The following ZFP82 variants were observed in gnomAD, a reference collection of about 807,000 sequenced individuals.
ZFP82 encodes the protein ZFP82 zinc finger protein.
ZFP82 carries 30 observed loss-of-function variants against 54.0 expected under a neutral mutation model. The ratio of observed to expected loss-of-function variants is 0.56; its 90% confidence interval spans 0.42 to 0.75. The LOEUF is 0.75. Among genes scored for constraint, ZFP82 ranks in the 30% least tolerant of loss-of-function variants. The probability of loss-of-function intolerance (pLI) is 0.00; values close to 1 mark genes in which losing one functional copy is unlikely to be tolerated. For missense variants in ZFP82, 500 were observed against 636.8 expected (o/e 0.79, Z 2.31); for synonymous variants, 194 against 209.5 (o/e 0.93, Z 0.64).
At chr19:36,383,989 T>C (rs970713906), downstream of ZFP82, 1 of 152,154 alleles carries the variant, frequency 6.6e-6, no homozygotes, top group Non-Finnish European at 1.5e-5. Context: ...GAAGTAAGGA[T>C]ATAAGGAAAT....
chr19:36,385,025 TGTGTCCCCCAAA>T (rs2032100424), downstream of ZFP82, among the ~76,000 whole-genome samples: 1 of 152,204 alleles, frequency 6.6e-6, no homozygotes. Flanking sequence ...GTGGTTTGAA[TGTGTCCCCCAAA>T]GTTCATTTCC....
At chr19:36,403,921 T>A (rs1005460558) in intron 4 of ZFP82, among the ~76,000 whole-genome samples, 1 of 152,180 alleles carries the variant, frequency 6.6e-6, no homozygotes, top group Non-Finnish European at 1.5e-5. Flanking sequence ...TAATAATTTA[T>A]GAGAAAAGTT....
intron 4 of ZFP82, among the ~76,000 whole-genome samples, chr19:36,403,182 G>C (rs1250471362): frequency 6.6e-6 from 1 of 151,562 alleles, no homozygotes; most frequent in Non-Finnish European, 1.5e-5. Context: ...AATTATCCAG[G>C]CATGGTGGCA....
At chr19:36,384,820 A>T (rs191113332), downstream of ZFP82, among the ~76,000 whole-genome samples, 1 of 152,344 alleles carries the variant, frequency 6.6e-6, no homozygotes, top group Admixed American at 6.5e-5. Flanking sequence ...TTTACAAATT[A>T]AAAACCATGT....
chr19:36,409,695 G>T, intron 2 of ZFP82, 86 bp downstream of exon 2: 1 of 1,436,122 alleles, frequency 7.0e-7, no homozygotes. Context: ...CTTGGATGGA[G>T]CTCTGATAGT....
rs867142952 is a variant in ZFP82, at chr19:36,388,976, G to A, written c.*3765C>T. Among the ~76,000 whole-genome samples the A allele has an allele frequency of 6.6e-6, 1 of 151,574 alleles. No homozygotes were observed. The highest frequency in any genetic ancestry group is 1.5e-5 in the Non-Finnish European group (1 of 67,964). ...AGCTTTGGTTGGTGATTTCCCCCAA[G>A]TTATCTGTAGGCAACATGTGATCAT... On this transcript the variant is annotated 3_prime_UTR_variant, in exon 5 of 5. Coordinates refer to ENST00000392161, the MANE Select transcript of ZFP82 (RefSeq NM_133466.4).
chr19:36,417,889 C>G lies in ZFP82; in HGVS notation c.-79+603G>C, dbSNP rs529658290. On this transcript the variant is annotated intron_variant, in intron 1 of 4. Transcript: ENST00000392161. Reference sequence around the variant, plus strand: ...TTCCAGGAGCAAGCCTGGGCGGGAGCGGGGGCTCGTTCAGTTCTAATATTC... The same window carrying G: ...TTCCAGGAGCAAGCCTGGGCGGGAGGGGGGGCTCGTTCAGTTCTAATATTC... 2.3e-3 allele frequency among the ~76,000 whole-genome samples: 347 copies of G among 152,170 alleles called. 3 individuals are homozygous for G. The highest frequency in any genetic ancestry group is 3.0e-3 in the Non-Finnish European group (206 of 68,002).
Position 36,407,992 on chromosome 19 carries a change from C to A in ZFP82, c.31G>T (p.Val11Leu). 6.2e-7 allele frequency: 1 copy of A among 1,613,320 alleles called. No individual in the cohort carries two copies. The highest frequency in any genetic ancestry group is 1.3e-5 in the African/African-American group (1 of 75,018). Reference protein sequence around the residue: MALRSVMFSDVSIDFSPEEWE... With the variant: MALRSVMFSDLSIDFSPEEWE... ...TCTTCTGGAGAGAAGTCTATGGATA[C>A]ATCACTGAACATCACTGATCGCTGA... The change falls in exon 3 of 5, where the codon GTA (valine) becomes TTA (leucine). Residue 11 changes from valine to leucine, a missense_variant. Val to Leu is a conservative substitution (Grantham distance 32). Transcript: ENST00000392161.
At chr19:36,411,658 A>T (rs1388432226) in intron 1 of ZFP82, among the ~76,000 whole-genome samples, 1 of 152,150 alleles carries the variant, frequency 6.6e-6, no homozygotes, top group Non-Finnish European at 1.5e-5. Flanking sequence ...AATAGAAAAC[A>T]GATTAAATAA....
chr19:36,402,594 TATAAA>T (rs1359945458), intron 4 of ZFP82, among the ~76,000 whole-genome samples: 1 of 152,114 alleles, frequency 6.6e-6, no homozygotes, highest in Non-Finnish European at 1.5e-5. Flanking sequence ...GTCCTATGGT[TATAAA>T]ATAAGAACTA....
In ZFP82 at chr19:36,393,926, GAA is replaced by G; in HGVS notation, c.412_413del (p.Phe138GlnfsTer2). The G allele has an allele frequency of 6.2e-7, 1 of 1,614,138 alleles. No homozygotes were observed. Among genetic ancestry groups the G allele is most frequent in the Non-Finnish European group, 8.5e-7 (1 of 1,180,016 alleles). On this transcript the variant is annotated frameshift_variant, in exon 5 of 5. Coordinates refer to ENST00000392161, the MANE Select transcript of ZFP82 (RefSeq NM_133466.4). LOFTEE classifies it high-confidence loss of function. Reference protein sequence around the residue: ...EGQERPQEGYFSSVKMPSEKV... With the variant: ...EGQERPQEGYXSSVKMPSEKV... ...TTTCAGATGGCATTTTCACACTACTGAAGTATCCTTCTTGAGGTCTCTCCTGT... is the reference window on the plus strand; with the variant it reads ...TTTCAGATGGCATTTTCACACTACTGGTATCCTTCTTGAGGTCTCTCCTGT...
chr19:36,404,111 GGTT>G (rs1430866379), intron 4 of ZFP82, among the ~76,000 whole-genome samples: 3 of 152,104 alleles, frequency 2.0e-5, no homozygotes, highest in African/African-American at 7.2e-5. Context: ...AAACTTGATT[GGTT>G]GTTTACCACT....
intron 3 of ZFP82, among the ~76,000 whole-genome samples, chr19:36,407,078 T>C (rs977034276): frequency 2.8e-5 from 4 of 142,962 alleles, no homozygotes; most frequent in Non-Finnish European, 6.1e-5. Flanking sequence ...AATTTTCTTT[T>C]TTTTTTTTTT....
At chr19:36,405,997 C>T (rs959664322) in intron 3 of ZFP82, among the ~76,000 whole-genome samples, 2 of 152,270 alleles carry the variant, frequency 1.3e-5, no homozygotes, top group Admixed American at 1.3e-4. Flanking sequence ...TTCCATGCTA[C>T]CTTTTCCTTC....
intron 1 of ZFP82, among the ~76,000 whole-genome samples, chr19:36,410,433 ATG>A (rs141959407): frequency 2.2e-4 from 33 of 148,016 alleles, no homozygotes; most frequent in East Asian, 8.9e-4. Flanking sequence ...TTATATATGT[ATG>A]TGTGTGTGTG....
rs909725229 is a variant in ZFP82, at chr19:36,391,726, C to T, written c.*1015G>A. The T allele has an allele frequency of 2.6e-5, 4 of 152,164 alleles. No homozygotes were observed. Among genetic ancestry groups the T allele is most frequent in the African/African-American group, 9.7e-5 (4 of 41,416 alleles). The allele number at this position is 152,164 out of a possible 1,614,324, so 9.4% of individuals were successfully genotyped here. ...AAGCAATCGTCCTTACTTGGCCTCC[C>T]AAAGTGCTGGATTTACAGGCATGGG... On this transcript the variant is annotated 3_prime_UTR_variant, in exon 5 of 5. Coordinates refer to ENST00000392161, the MANE Select transcript of ZFP82 (RefSeq NM_133466.4).
intron 1 of ZFP82, among the ~76,000 whole-genome samples, chr19:36,410,228 G>A (rs1337410798): frequency 6.6e-6 from 1 of 152,126 alleles, no homozygotes; most frequent in Admixed American, 6.6e-5. Flanking sequence ...CTTGCAGCCA[G>A]AACAACTTTC....
At chr19:36,400,739 A>G (rs995666449) in intron 4 of ZFP82, among the ~76,000 whole-genome samples, 1 of 152,148 alleles carries the variant, frequency 6.6e-6, no homozygotes, top group African/African-American at 2.4e-5. Context: ...GAGCACACAA[A>G]CATGCCCTAA....
chr19:36,413,830 T>C (rs890717783), intron 1 of ZFP82, among the ~76,000 whole-genome samples: 2 of 152,146 alleles, frequency 1.3e-5, no homozygotes, highest in African/African-American at 4.8e-5. Context: ...AATGGCTTAC[T>C]GTAAGCACTA....
Sources: gnomAD v4.1 joint callset for allele counts (sites outside exome capture counted in the v4.1 genomes callset) on GRCh38, gnomAD v4.1.1 for gene constraint, MANE v1.5 for transcripts, NCBI Gene and HGNC (gene_info 2026-07-23, HGNC 2026-07-21) for gene names.